Variants in RGS6 observed in about 807,000 individuals in gnomAD.
The protein encoded by RGS6 is regulator of G protein signaling 6.
A neutral mutation model predicts 78.5 loss-of-function variants in RGS6; 30 were observed. The observed-to-expected ratio is 0.38, with a 90% CI of 0.29 to 0.52. The LOEUF (loss-of-function observed/expected upper bound fraction) is 0.52. Ranked by LOEUF, RGS6 falls within the 20% of genes least tolerant of loss-of-function variation. The probability of loss-of-function intolerance (pLI) is 0.85; values close to 1 mark genes in which losing one functional copy is unlikely to be tolerated. For synonymous variants in RGS6, 206 were observed against 206.0 expected, an observed-to-expected ratio of 1.00 and a Z score of 0.00; for missense variants, 495 against 609.7, an observed-to-expected ratio of 0.81 and a Z score of 1.98.
Position 72,510,285 on chromosome 14 carries a change from T to A in RGS6, c.1091+6T>A, listed in dbSNP as rs199560495. ...TTCAGTTCAGAAAACCTCAGGTAAA[T>A]CTCTCAAAGTTTGAGCTGTGTGCGG... On this transcript the variant is annotated splice_donor_region_variant and intron_variant, in intron 14 of 17. Transcript: ENST00000553525. 95 of 1,614,138 alleles carry A rather than the reference T, an allele frequency of 5.9e-5. 1 individual carries two copies. The Admixed American group carries it at 1.6e-3, about 27-fold the overall frequency.
chr14:71,881,816 T>G, the RGS6 span, among the ~76,000 whole-genome samples: 1,589 of 152,340 alleles, frequency 0.01, 60 homozygotes, highest in Admixed American at 0.076. Flanking sequence ...TAAAGGTGTA[T>G]CTGACAATTG....
chr14:72,412,221 A>G (rs1300968666), intron 3 of RGS6, among the ~76,000 whole-genome samples: 5 of 152,182 alleles, frequency 3.3e-5, no homozygotes, highest in Non-Finnish European at 7.3e-5. Flanking sequence ...TTGGTAAGCT[A>G]TTAATTATTG....
At chr14:72,118,638 A>G (rs962430312) in intron 2 of RGS6, among the ~76,000 whole-genome samples, 2 of 152,234 alleles carry the variant, frequency 1.3e-5, no homozygotes, top group African/African-American at 2.4e-5. Context: ...TTACAGGGTC[A>G]TAGCCCTGGA....
intron 7 of RGS6, chr14:72,469,750 A>T (rs529613978): frequency 6.7e-5 from 23 of 342,398 alleles, no homozygotes; most frequent in African/African-American, 4.9e-4. Flanking sequence ...CTTGTAAAAC[A>T]CCTTCATGAA....
At chr14:72,334,388 G>A (rs2075655268) in intron 2 of RGS6, among the ~76,000 whole-genome samples, 1 of 152,200 alleles carries the variant, frequency 6.6e-6, no homozygotes, top group South Asian at 2.1e-4. Context: ...CAGGGCAGGG[G>A]GTGGGGAGGT....
At chr14:71,940,914 G>A (rs2090429125) in intron 1 of RGS6, among the ~76,000 whole-genome samples, 1 of 152,164 alleles carries the variant, frequency 6.6e-6, no homozygotes, top group Non-Finnish European at 1.5e-5. Context: ...ATTCCTTCCT[G>A]TACATTAAGC....
the RGS6 span, among the ~76,000 whole-genome samples, chr14:72,621,653 G>GGA: frequency 1.3e-5 from 2 of 152,198 alleles, no homozygotes; most frequent in South Asian, 2.1e-4. Context: ...ACCCAGTGGG[G>GGA]GAGAGGTTCA....
At chr14:72,275,689 C>T (rs952835395) in intron 2 of RGS6, among the ~76,000 whole-genome samples, 1 of 152,230 alleles carries the variant, frequency 6.6e-6, no homozygotes, top group Non-Finnish European at 1.5e-5. Flanking sequence ...ATTTCTCTTT[C>T]TGTCCTTCCA....
intron 3 of RGS6, among the ~76,000 whole-genome samples, chr14:72,418,671 A>G (rs1039557617): frequency 1.3e-5 from 2 of 152,208 alleles, no homozygotes; most frequent in African/African-American, 4.8e-5. Flanking sequence ...AACTCCTTGC[A>G]TGGAAGGTGC....
the RGS6 span, among the ~76,000 whole-genome samples, chr14:71,915,256 CA>C: frequency 0.018 from 2,277 of 125,000 alleles, 52 homozygotes; most frequent in African/African-American, 0.059. Flanking sequence ...GACTCCTTGT[CA>C]AAAAAAAAAA....
intron 2 of RGS6, among the ~76,000 whole-genome samples, chr14:72,066,468 A>G (rs1186379154): frequency 6.6e-6 from 1 of 151,180 alleles, no homozygotes; most frequent in Non-Finnish European, 1.5e-5. Context: ...TGTTATATAT[A>G]AAGATATATT....
chr14:72,454,647 C>G (rs773486536), intron 4 of RGS6, 69 bp downstream of exon 4: 18 of 1,258,112 alleles, frequency 1.4e-5, no homozygotes, highest in Non-Finnish European at 1.7e-5. Flanking sequence ...AAGTTCCAAA[C>G]TAGATTCCCC....
chr14:71,884,572 A>G, the RGS6 span, among the ~76,000 whole-genome samples: 3 of 152,070 alleles, frequency 2.0e-5, no homozygotes, highest in African/African-American at 2.4e-5. Context: ...TAAGAGGGAG[A>G]AGAGTCAAGG....
chr14:72,493,049 A>G (rs2096598893), intron 12 of RGS6, among the ~76,000 whole-genome samples: 1 of 152,172 alleles, frequency 6.6e-6, no homozygotes, highest in Non-Finnish European at 1.5e-5. Context: ...TCCCATTAAA[A>G]TACTGGTAAA....
chr14:72,001,930 T>C, intron 2 of RGS6, among the ~76,000 whole-genome samples: 1 of 107,592 alleles, frequency 9.3e-6, no homozygotes, highest in Admixed American at 1.3e-4. Context: ...TGAGACAGGG[T>C]TTCCCTCTGC....
chr14:72,381,172 AGAGG>A (rs2085983810), intron 3 of RGS6, among the ~76,000 whole-genome samples: 1 of 152,042 alleles, frequency 6.6e-6, no homozygotes, highest in Non-Finnish European at 1.5e-5. Flanking sequence ...AGAAGGGTAG[AGAGG>A]GGGAGAGAGT....
the RGS6 span, among the ~76,000 whole-genome samples, chr14:71,875,982 T>A: frequency 6.6e-6 from 1 of 152,264 alleles, no homozygotes; most frequent in African/African-American, 2.4e-5. Context: ...TCCTGAGTTC[T>A]AGTTTGATTG....
At chr14:72,200,339 C>T (rs1288588495) in intron 2 of RGS6, among the ~76,000 whole-genome samples, 1 of 152,238 alleles carries the variant, frequency 6.6e-6, no homozygotes, top group Non-Finnish European at 1.5e-5. Context: ...AACCCGCTTC[C>T]TTCATCATGT....
intron 1 of RGS6, among the ~76,000 whole-genome samples, chr14:71,942,570 G>A (rs188538761): frequency 5.1e-4 from 77 of 152,182 alleles, no homozygotes; most frequent in African/African-American, 1.8e-3. Flanking sequence ...AATCCACAAA[G>A]TGAAGTAGCA....
Sources: allele counts gnomAD v4.1 joint callset (sites outside exome capture counted in the v4.1 genomes callset), GRCh38; gene constraint gnomAD v4.1.1; transcripts MANE v1.5; gene names NCBI Gene and HGNC (gene_info 2026-07-23, HGNC 2026-07-21).